Variants in PGM1 observed in about 807,000 individuals in gnomAD.
PGM1 encodes phosphoglucomutase-1.
PGM1 carries 52 observed loss-of-function variants against 55.6 expected under a neutral mutation model. The observed-to-expected ratio is 0.94, with a 90% CI of 0.75 to 1.18. The LOEUF (loss-of-function observed/expected upper bound fraction) is 1.18. Ranked by LOEUF, PGM1 falls within the 50% of genes most tolerant of loss-of-function variation. The pLI is 0.00. For synonymous variants in PGM1, 287 were observed against 271.7 expected, an observed-to-expected ratio of 1.06 and a Z score of -0.55; for missense variants, 724 against 729.3, an observed-to-expected ratio of 0.99 and a Z score of 0.08.
chr1:63,645,353 T>C (rs188240148), intron 7 of PGM1, among the ~76,000 whole-genome samples: 1 of 152,100 alleles, frequency 6.6e-6, no homozygotes, highest in East Asian at 1.9e-4. Flanking sequence ...CTGCCTTCTA[T>C]GCTTTCAGTC....
chr1:63,618,434 C>G (rs1183048384), intron 1 of PGM1, among the ~76,000 whole-genome samples: 1 of 152,152 alleles, frequency 6.6e-6, no homozygotes, highest in Non-Finnish European at 1.5e-5. Context: ...ACAACCTGCA[C>G]TTAATTATAA....
rs1308511947 is a variant in PGM1, at chr1:63,629,425, A to G, written c.247A>G (p.Ile83Val). The G allele has an allele frequency of 1.9e-6, 3 of 1,613,048 alleles. No homozygotes were observed. The highest frequency in any genetic ancestry group is 1.3e-5 in the African/African-American group (1 of 74,936). ...GTGTGTTCTGGATTTCTTCTCCTAG[A>G]TCGGTCGCTTGGTTATCGGACAGAA... is the stretch of plus-strand genomic sequence containing the variant. ...LIARIAAANG[I>V]GRLVIGQNGI... Residue 83 changes from isoleucine to valine, a missense_variant and splice_region_variant, in exon 2 of 11, where the codon ATC (isoleucine) becomes GTC (valine). Around this residue, in one of 3 missense-constraint regions of PGM1, gnomAD observed 379 missense variants for 357.5 expected, o/e 1.06. Coordinates refer to ENST00000371084, the MANE Select transcript of PGM1 (RefSeq NM_002633.3).
In PGM1 at chr1:63,623,853, A is replaced by G. The variant is rs1648953018; in HGVS notation, c.247-5572A>G. The G allele has an allele frequency of 1.0e-5, 8 of 780,810 alleles. No individual in the cohort carries two copies. In the East Asian group the frequency reaches 1.8e-4, roughly 18 times the overall value. 48.4% of individuals were successfully genotyped at this position (780,810 alleles called of 1,614,324 possible). ...AAACGTACAAGGATTTATATGTGGT[A>G]TACACTTCAATTCTACTAACATCCA... On this transcript the variant is annotated intron_variant, in intron 1 of 10. Coordinates refer to ENST00000371084, the MANE Select transcript of PGM1 (RefSeq NM_002633.3).
intron 1 of PGM1, among the ~76,000 whole-genome samples, chr1:63,596,987 A>G (rs1648095164): frequency 6.6e-6 from 1 of 152,206 alleles, no homozygotes; most frequent in Admixed American, 6.5e-5. Context: ...CACATCAAAC[A>G]TTTATTATGT....
intron 4 of PGM1, 28 bp downstream of exon 4, chr1:63,631,810 A>G: frequency 6.2e-7 from 1 of 1,610,438 alleles, no homozygotes; most frequent in African/African-American, 1.3e-5. Flanking sequence ...TTCAATTCCC[A>G]TCTCTTGAGG....
At chr1:63,600,762 A>G (rs558863053) in intron 1 of PGM1, among the ~76,000 whole-genome samples, 16 of 152,340 alleles carry the variant, frequency 1.1e-4, no homozygotes, top group African/African-American at 3.8e-4. Context: ...GGATAAACAC[A>G]TATAATCATT....
chr1:63,601,999 A>G (rs77037002), intron 1 of PGM1, among the ~76,000 whole-genome samples: 3,287 of 152,300 alleles, frequency 0.022, 133 homozygotes, highest in African/African-American at 0.075. Flanking sequence ...TGAGTACCCC[A>G]AAGTGTTTTT....
intron 10 of PGM1, among the ~76,000 whole-genome samples, chr1:63,658,980 A>G (rs1474504444): frequency 2.0e-5 from 3 of 152,158 alleles, no homozygotes; most frequent in Non-Finnish European, 4.4e-5. Flanking sequence ...TGTTTTTAAA[A>G]CCATTAGATC....
At chr1:63,612,602 A>C (rs1425824024) in intron 1 of PGM1, among the ~76,000 whole-genome samples, 1 of 151,994 alleles carries the variant, frequency 6.6e-6, no homozygotes, top group Non-Finnish European at 1.5e-5. Context: ...TTTCTACCTC[A>C]TGTTGAGTAG....
intron 1 of PGM1, among the ~76,000 whole-genome samples, chr1:63,595,501 A>G (rs563370076): frequency 6.6e-6 from 1 of 152,346 alleles, no homozygotes; most frequent in East Asian, 1.9e-4. Flanking sequence ...TATAAGCATC[A>G]GTGAGAGAAG....
chr1:63,605,978 CA>C (rs1648406762), intron 1 of PGM1, among the ~76,000 whole-genome samples: 1 of 152,204 alleles, frequency 6.6e-6, no homozygotes, highest in African/African-American at 2.4e-5. Context: ...TGTGATGGCA[CA>C]AATTCCTGGA....
intron 10 of PGM1, among the ~76,000 whole-genome samples, chr1:63,655,279 C>G (rs1480668501): frequency 6.6e-6 from 1 of 152,134 alleles, no homozygotes; most frequent in Non-Finnish European, 1.5e-5. Flanking sequence ...TGCACCCAAC[C>G]CAGGATAATT....
intron 1 of PGM1, among the ~76,000 whole-genome samples, chr1:63,609,929 T>G (rs149087611): frequency 1.3e-5 from 2 of 152,318 alleles, no homozygotes; most frequent in Non-Finnish European, 2.9e-5. Context: ...TGATGATATT[T>G]TCAACTTACA....
chr1:63,641,418 T>A (rs72920891), intron 7 of PGM1, among the ~76,000 whole-genome samples: 2,934 of 152,310 alleles, frequency 0.019, 84 homozygotes, highest in African/African-American at 0.067. Context: ...ACTCCTGATC[T>A]TCTTATTTAT....
chr1:63,626,376 T>G (rs1649015287), intron 1 of PGM1, among the ~76,000 whole-genome samples: 1 of 152,114 alleles, frequency 6.6e-6, no homozygotes, highest in Non-Finnish European at 1.5e-5. Flanking sequence ...CATTCCCCAT[T>G]TCCACTCCCA....
intron 4 of PGM1, among the ~76,000 whole-genome samples, chr1:63,632,614 G>A (rs1649226009): frequency 6.6e-6 from 1 of 152,224 alleles, no homozygotes; most frequent in Non-Finnish European, 1.5e-5. Context: ...TTCAACAGAT[G>A]TGTATTGCAT....
chr1:63,596,727 G>A (rs1648084323), intron 1 of PGM1, among the ~76,000 whole-genome samples: 3 of 152,100 alleles, frequency 2.0e-5, no homozygotes, highest in Admixed American at 6.6e-5. Flanking sequence ...CCTATTAAGT[G>A]CTCCTTTCCC....
chr1:63,639,868 A>G (rs1406433439), intron 7 of PGM1, among the ~76,000 whole-genome samples: 2 of 152,180 alleles, frequency 1.3e-5, no homozygotes, highest in Non-Finnish European at 2.9e-5. Context: ...CAGAGTTCTA[A>G]GCAACTTGAT....
intron 10 of PGM1, among the ~76,000 whole-genome samples, chr1:63,654,934 G>A (rs1330026601): frequency 2.6e-5 from 4 of 151,270 alleles, no homozygotes; most frequent in Non-Finnish European, 5.9e-5. Context: ...ACAGTTAATA[G>A]GTTTACATGC....
Sources: gnomAD v4.1 joint callset for allele counts (sites outside exome capture counted in the v4.1 genomes callset) on GRCh38, gnomAD v4.1.1 for gene constraint, gnomAD v4.1.1 regional missense constraint, MANE v1.5 for transcripts, NCBI Gene and HGNC (gene_info 2026-07-23, HGNC 2026-07-21) for gene names.